Variants in PNPLA1 observed in about 807,000 individuals in gnomAD.
PNPLA1 encodes omega-hydroxyceramide transacylase.
PNPLA1 carries 36 observed loss-of-function variants against 51.7 expected under a neutral mutation model. The ratio of observed to expected loss-of-function variants is 0.70; its 90% confidence interval spans 0.53 to 0.92. The LOEUF (loss-of-function observed/expected upper bound fraction) is 0.92. Ranked by LOEUF, PNPLA1 falls within the 40% of genes least tolerant of loss-of-function variation. PNPLA1 has a pLI of 0.00. For missense variants in PNPLA1, 658 were observed against 682.5 expected (o/e 0.96, Z 0.40); for synonymous variants, 293 against 280.1 (o/e 1.05, Z -0.46).
In PNPLA1 at chr6:36,276,476, G is replaced by A. The variant is rs7760190; in HGVS notation, c.205+5812G>A. Among the ~76,000 whole-genome samples, 370 of 152,206 alleles carry A rather than the reference G, an allele frequency of 2.4e-3. 4 individuals are homozygous for A. The highest frequency in any genetic ancestry group is 8.0e-3 in the African/African-American group (331 of 41,520). Reference sequence around the variant, plus strand: ...AGTGCCTGGTTTTTACTAGAGATGTGGTAACCTTCATTAATCCATTCATTC... The same window carrying A: ...AGTGCCTGGTTTTTACTAGAGATGTAGTAACCTTCATTAATCCATTCATTC... On this transcript the variant is annotated intron_variant, in intron 1 of 8. Transcript: ENST00000636260.
chr6:36,285,237 C>G (rs901482330), intron 1 of PNPLA1, among the ~76,000 whole-genome samples: 1 of 152,222 alleles, frequency 6.6e-6, no homozygotes, highest in Non-Finnish European at 1.5e-5. Flanking sequence ...GGCGCCTCCC[C>G]AGGGGCTGCT....
At chr6:36,253,654 A>C (rs1475314166) in intron 1 of PNPLA1, among the ~76,000 whole-genome samples, 1 of 152,100 alleles carries the variant, frequency 6.6e-6, no homozygotes, top group Admixed American at 6.6e-5. Context: ...TTTTTAAAAA[A>C]TTTTAGTAGA....
chr6:36,307,525 C>A (rs1771275944), intron 7 of PNPLA1, 62 bp from the exon 8 acceptor site: 1 of 1,585,100 alleles, frequency 6.3e-7, no homozygotes, highest in African/African-American at 1.4e-5. Flanking sequence ...CTGAGCAGGC[C>A]ACCATGTTGG....
At chr6:36,252,162 T>C (rs7774116) in intron 1 of PNPLA1, among the ~76,000 whole-genome samples, 2,227 of 152,104 alleles carry the variant, frequency 0.015, 26 homozygotes, top group Middle Eastern at 0.037. Flanking sequence ...ACTGTAGAGA[T>C]GGAAAATGCC....
chr6:36,260,580 G>A (rs1264317840), intron 1 of PNPLA1, among the ~76,000 whole-genome samples: 2 of 152,094 alleles, frequency 1.3e-5, no homozygotes, highest in East Asian at 1.9e-4. Context: ...AGAGGCCACC[G>A]ATGTTTTCAG....
At chr6:36,291,189 C>A in intron 1 of PNPLA1, 131 bp from the exon 2 acceptor site, 1 of 688,896 alleles carries the variant, frequency 1.5e-6, no homozygotes. Flanking sequence ...CTGGGGTTTT[C>A]CCAGCTTCCG....
In PNPLA1 at chr6:36,302,257, C is replaced by G. The variant is rs1389358789; in HGVS notation, c.1172C>G (p.Thr391Ser). 6.2e-7 allele frequency: 1 copy of G among 1,614,192 alleles called. No individual in the cohort carries two copies. The highest frequency in any genetic ancestry group is 1.1e-5 in the South Asian group (1 of 91,088). Residue 391 changes from threonine (T) to serine (S), a missense_variant, in exon 6 of 9, where the codon ACC (threonine) becomes AGC (serine). Transcript: ENST00000636260. Reference sequence around the variant, plus strand: ...TCCACACCTGGTTCATCACTGCCCACCCCACCACCTGGACTGTCACCTCTG... The same window carrying G: ...TCCACACCTGGTTCATCACTGCCCAGCCCACCACCTGGACTGTCACCTCTG... ...PSSTPGSSLPTPPPGLSPLSP... is the reference protein window; with the variant it reads ...PSSTPGSSLPSPPPGLSPLSP...
At chr6:36,292,131 C>T (rs1277705785) in intron 2 of PNPLA1, among the ~76,000 whole-genome samples, 3 of 152,170 alleles carry the variant, frequency 2.0e-5, no homozygotes, top group Non-Finnish European at 4.4e-5. Context: ...CAGTGTCTTT[C>T]GGGACAAAGG....
intron 1 of PNPLA1, among the ~76,000 whole-genome samples, chr6:36,286,894 A>T (rs1444344214): frequency 2.7e-5 from 4 of 150,918 alleles, no homozygotes; most frequent in African/African-American, 9.8e-5. Context: ...CTATGTTGCC[A>T]GAGCTGATCT....
At chr6:36,307,818 G>A in intron 8 of PNPLA1, 106 bp downstream of exon 8, 1 of 1,399,436 alleles carries the variant, frequency 7.1e-7, no homozygotes. Flanking sequence ...AGTAGGGGGT[G>A]CAGTGGGAGA....
At position 36,312,834 on chromosome 6, in the gene PNPLA1, C is replaced by G. The variant is rs1771436334; in HGVS notation, c.*948C>G. 6.6e-6 allele frequency among the ~76,000 whole-genome samples: 1 copy of G among 152,202 alleles called. No homozygotes were observed. Among genetic ancestry groups the G allele is most frequent in the South Asian group, 2.1e-4 (1 of 4,830 alleles). Reference sequence around the variant, plus strand: ...CACTGATCGGCACTCATGGACCTTCCTCTCAACCTTGGCCTGAGCTTGCTT... The same window carrying G: ...CACTGATCGGCACTCATGGACCTTCGTCTCAACCTTGGCCTGAGCTTGCTT... On this transcript the variant is annotated 3_prime_UTR_variant, in exon 9 of 9. Transcript: ENST00000636260.
intron 1 of PNPLA1, among the ~76,000 whole-genome samples, chr6:36,258,651 T>G (rs1769581757): frequency 6.6e-6 from 1 of 152,202 alleles, no homozygotes; most frequent in Admixed American, 6.5e-5. Flanking sequence ...TTATTCTCTA[T>G]CTTATGGACC....
intron 1 of PNPLA1, among the ~76,000 whole-genome samples, chr6:36,260,841 G>T (rs1217207054): frequency 6.6e-6 from 1 of 152,138 alleles, no homozygotes; most frequent in Non-Finnish European, 1.5e-5. Flanking sequence ...GGGCAGGGAG[G>T]AGGGTGCGGG....
At chr6:36,285,546 T>C (rs1770462521) in intron 1 of PNPLA1, among the ~76,000 whole-genome samples, 1 of 152,170 alleles carries the variant, frequency 6.6e-6, no homozygotes, top group Non-Finnish European at 1.5e-5. Context: ...AAGCCTTCTG[T>C]TTTTATCCTC....
At chr6:36,279,795 GA>G (rs1770221534) in intron 1 of PNPLA1, among the ~76,000 whole-genome samples, 1 of 152,200 alleles carries the variant, frequency 6.6e-6, no homozygotes, top group South Asian at 2.1e-4. Flanking sequence ...AGTCTTTGAA[GA>G]ATGAATGTTG....
rs1392993036 is a variant in PNPLA1, at chr6:36,285,305, G to GCGC, written c.206-6007_206-6005dup. 3.3e-5 allele frequency among the ~76,000 whole-genome samples: 5 copies of GCGC among 152,308 alleles called. No individual in the cohort carries two copies. The South Asian group carries it at 1.0e-3, about 32-fold the overall frequency. On this transcript the variant is annotated intron_variant, in intron 1 of 8. Coordinates refer to ENST00000636260, the MANE Select transcript of PNPLA1 (RefSeq NM_001374623.1). The stretch of plus-strand genomic sequence containing the variant: ...CGCTGCTCTGGGAGCAGGGCCGGCG[G>GCGC]CGCCGCCGCCTCGCAGCGATTGGTT...
At chr6:36,252,542 CA>C (rs5875538) in intron 1 of PNPLA1, among the ~76,000 whole-genome samples, 81,405 of 132,796 alleles carry the variant, frequency 0.61, 24,932 homozygotes, top group South Asian at 0.72. Flanking sequence ...CAAAAGGGGT[CA>C]AAAAAAAAAA....
intron 1 of PNPLA1, among the ~76,000 whole-genome samples, chr6:36,285,543 C>T (rs1388135755): frequency 6.6e-6 from 1 of 152,194 alleles, no homozygotes; most frequent in Non-Finnish European, 1.5e-5. Context: ...GAGAAGCCTT[C>T]TGTTTTTATC....
chr6:36,298,762 G>A (rs953438095), intron 5 of PNPLA1, among the ~76,000 whole-genome samples: 6 of 152,094 alleles, frequency 3.9e-5, no homozygotes, highest in Non-Finnish European at 5.9e-5. Flanking sequence ...TTTTTGAGAC[G>A]GAGTCTCGCT....
Sources: gnomAD v4.1 joint callset for allele counts (sites outside exome capture counted in the v4.1 genomes callset) on GRCh38, gnomAD v4.1.1 for gene constraint, MANE v1.5 for transcripts, NCBI Gene and HGNC (gene_info 2026-07-23, HGNC 2026-07-21) for gene names.